Variants in PPP2R2C observed in about 807,000 individuals in gnomAD.
PPP2R2C encodes the protein protein phosphatase 2, regulatory subunit B, gamma.
In PPP2R2C, 10 loss-of-function variants were observed where a neutral mutation model predicts 45.3. The ratio of observed to expected loss-of-function variants is 0.22; its 90% CI spans 0.14 to 0.37. PPP2R2C has a LOEUF of 0.37. Ranked by LOEUF, PPP2R2C falls within the 10% of genes least tolerant of loss-of-function variation. The probability of loss-of-function intolerance (pLI) is 1.00; values close to 1 mark genes in which losing one functional copy is unlikely to be tolerated. For missense variants in PPP2R2C, 308 were observed against 619.7 expected (o/e 0.50, Z 5.34); for synonymous variants, 257 against 245.4 (o/e 1.05, Z -0.44).
At chr4:6,510,504 G>A (rs1282107080) in intron 2 of PPP2R2C, among the ~76,000 whole-genome samples, 1 of 152,132 alleles carries the variant, frequency 6.6e-6, no homozygotes, top group Non-Finnish European at 1.5e-5. Flanking sequence ...AATTGTTTCT[G>A]TTCATTTATT....
At chr4:6,376,081 G>A in intron 3 of PPP2R2C, 150 bp from the exon 4 acceptor site, 1 of 654,592 alleles carries the variant, frequency 1.5e-6, no homozygotes, top group Non-Finnish European at 2.6e-6. Context: ...CTGCAGCTCT[G>A]TCTCGAGGCC....
chr4:6,562,852 C>A (rs1213286483), intron 1 of PPP2R2C, among the ~76,000 whole-genome samples: 1 of 151,802 alleles, frequency 6.6e-6, no homozygotes, highest in Non-Finnish European at 1.5e-5. Context: ...CTGGGACCCT[C>A]CGCATAAAAG....
chr4:6,524,811 G>A (rs181834575), intron 2 of PPP2R2C, among the ~76,000 whole-genome samples: 24 of 152,298 alleles, frequency 1.6e-4, no homozygotes, highest in Non-Finnish European at 2.5e-4. Context: ...AAAATAGGCC[G>A]GGCACAGTGG....
At chr4:6,517,142 G>A (rs1272529258) in intron 2 of PPP2R2C, among the ~76,000 whole-genome samples, 3 of 152,206 alleles carry the variant, frequency 2.0e-5, no homozygotes, top group Non-Finnish European at 4.4e-5. Context: ...TTCCCAGCAA[G>A]CCCACCAGAT....
At chr4:6,427,273 AG>A (rs1719381357) in intron 1 of PPP2R2C, among the ~76,000 whole-genome samples, 1 of 152,224 alleles carries the variant, frequency 6.6e-6, no homozygotes, top group South Asian at 2.1e-4. Flanking sequence ...TGGAGAATGA[AG>A]GACAGTTTAA....
intron 1 of PPP2R2C, among the ~76,000 whole-genome samples, chr4:6,436,892 A>G (rs1004849211): frequency 1.2e-4 from 2 of 16,018 alleles, no homozygotes; most frequent in Non-Finnish European, 4.2e-4. Context: ...TATAAAGCTG[A>G]GGTCCAAATG....
intron 1 of PPP2R2C, among the ~76,000 whole-genome samples, chr4:6,462,676 G>A (rs16838891): frequency 0.086 from 13,016 of 152,140 alleles, 835 homozygotes; most frequent in East Asian, 0.38. Context: ...AAATGGACCA[G>A]AATTTAGGTA....
chr4:6,330,180 C>G lies in PPP2R2C; in HGVS notation c.961-827G>C, dbSNP rs565988041. 6.6e-6 allele frequency among the ~76,000 whole-genome samples: 1 copy of G among 152,150 alleles called. No homozygotes were observed. Among genetic ancestry groups the G allele is most frequent in the Non-Finnish European group, 1.5e-5 (1 of 68,018 alleles). On this transcript the variant is annotated intron_variant, in intron 7 of 8. Coordinates refer to ENST00000382599, the MANE Select transcript of PPP2R2C (RefSeq NM_020416.4). This position sits in a 1 kb window ranked among gnomAD's most constrained non-coding sequence, Gnocchi z 7.0. ...CAGCCGGTCCTACAAGCCCTGTACC[C>G]GGAGGGCCGCATGAGTGCCAGCCCT... is the stretch of plus-strand genomic sequence containing the variant.
chr4:6,407,487 T>C (rs6828643), intron 1 of PPP2R2C, among the ~76,000 whole-genome samples: 87,796 of 152,058 alleles, frequency 0.58, 27,635 homozygotes, highest in East Asian at 0.97. Context: ...CCTCGCCTGC[T>C]GGGTTCAAGC....
At chr4:6,546,853 C>G (rs146873267) in intron 1 of PPP2R2C, among the ~76,000 whole-genome samples, 188 of 152,282 alleles carry the variant, frequency 1.2e-3, no homozygotes, top group African/African-American at 4.2e-3. Context: ...AGCGGGGGCT[C>G]TGCCGAGGGT....
At chr4:6,410,084 G>A (rs993468259) in intron 1 of PPP2R2C, among the ~76,000 whole-genome samples, 4 of 152,134 alleles carry the variant, frequency 2.6e-5, no homozygotes, top group African/African-American at 4.8e-5. Context: ...AAGCTGGCTC[G>A]GGGCAGACAC....
intron 1 of PPP2R2C, among the ~76,000 whole-genome samples, chr4:6,439,568 C>A (rs944366085): frequency 1.3e-5 from 2 of 152,198 alleles, no homozygotes; most frequent in Non-Finnish European, 2.9e-5. Flanking sequence ...GTACCACTCA[C>A]AGCCAGGCCC....
intron 2 of PPP2R2C, among the ~76,000 whole-genome samples, chr4:6,379,520 A>C (rs1715614200): frequency 6.6e-6 from 1 of 152,264 alleles, no homozygotes; most frequent in African/African-American, 2.4e-5. Flanking sequence ...CGCTATGACA[A>C]AGGTCAGTGG....
chr4:6,475,991 G>T (rs145001642), upstream of PPP2R2C, among the ~76,000 whole-genome samples: 1 of 152,142 alleles, frequency 6.6e-6, no homozygotes, highest in African/African-American at 2.4e-5. Context: ...AGGTGCTCAC[G>T]GGAGCACACG....
At chr4:6,344,384 G>A (rs1470377003) in intron 6 of PPP2R2C, among the ~76,000 whole-genome samples, 1 of 152,194 alleles carries the variant, frequency 6.6e-6, no homozygotes, top group African/African-American at 2.4e-5. Flanking sequence ...GAAATTACGT[G>A]GCTGAAATGG....
At chr4:6,520,161 G>T (rs977878551) in intron 2 of PPP2R2C, among the ~76,000 whole-genome samples, 20 of 152,052 alleles carry the variant, frequency 1.3e-4, no homozygotes, top group Non-Finnish European at 2.2e-4. Flanking sequence ...GGGGTACGCT[G>T]GGGAGTTGAG....
chr4:6,351,102 C>T (rs926942106), intron 5 of PPP2R2C: 106 of 829,686 alleles, frequency 1.3e-4, no homozygotes, highest in Non-Finnish European at 1.5e-4. Context: ...CTCAGGAGTT[C>T]GAGACCAGCC....
chr4:6,336,729 TTCCCTCCCTCCCTCCCTCCCTCCC>T, intron 6 of PPP2R2C, among the ~76,000 whole-genome samples: 1 of 2,322 alleles, frequency 4.3e-4, no homozygotes, highest in African/African-American at 2.8e-3. Flanking sequence ...CCCTCCCTCC[TTCCCTCCCTCCCTCCCTCCCTCCC>T]TCCTTCCCTC....
At chr4:6,362,865 C>T (rs1171400273) in intron 5 of PPP2R2C, among the ~76,000 whole-genome samples, 1 of 117,250 alleles carries the variant, frequency 8.5e-6, no homozygotes, top group Non-Finnish European at 1.8e-5. Flanking sequence ...CCAGCCCTGG[C>T]ACCCCCTTTC....
Sources: allele counts gnomAD v4.1 joint callset (sites outside exome capture counted in the v4.1 genomes callset), GRCh38; gene constraint gnomAD v4.1.1; non-coding constraint Gnocchi (gnomAD v3.1); transcripts MANE v1.5; gene names NCBI Gene and HGNC (gene_info 2026-07-23, HGNC 2026-07-21).